Variants in CPLX2 observed in about 807,000 individuals in gnomAD.
CPLX2 encodes complexin 2.
Under a neutral mutation model 16.3 loss-of-function variants are expected in CPLX2, and 5 were observed. The ratio of observed to expected loss-of-function variants is 0.31; its 90% CI spans 0.16 to 0.64. CPLX2 has a LOEUF of 0.64. Ranked by LOEUF, CPLX2 falls within the 30% of genes least tolerant of loss-of-function variation. The pLI is 0.79. For synonymous variants in CPLX2, 89 were observed against 73.2 expected, an observed-to-expected ratio of 1.22 and a Z score of -1.10; for missense variants, 144 against 181.4, an observed-to-expected ratio of 0.79 and a Z score of 1.18.
chr5:175,818,953 G>A (rs1423475965), intron 2 of CPLX2, among the ~76,000 whole-genome samples: 3 of 152,030 alleles, frequency 2.0e-5, no homozygotes, highest in South Asian at 2.1e-4. Context: ...GTGAGCCACC[G>A]CGCCCGGCCC....
At chr5:175,827,372 G>A (rs1034123675) in intron 2 of CPLX2, among the ~76,000 whole-genome samples, 25 of 152,184 alleles carry the variant, frequency 1.6e-4, no homozygotes, top group African/African-American at 5.8e-4. Flanking sequence ...CAGCAGCTGA[G>A]GGCAATGCAG....
intron 2 of CPLX2, among the ~76,000 whole-genome samples, chr5:175,842,471 C>T (rs544566685): frequency 6.9e-4 from 105 of 152,354 alleles, no homozygotes; most frequent in Admixed American, 1.3e-3. Flanking sequence ...CCCTGATGAT[C>T]CCAGCTCTCA....
intron 1 of CPLX2, 119 bp from the exon 2 acceptor site, chr5:175,878,533 T>G (rs1207646713): frequency 1.6e-6 from 1 of 617,576 alleles, no homozygotes; most frequent in African/African-American, 1.8e-5. Context: ...GCATTGGGTC[T>G]TGACCTCAGA....
intron 1 of CPLX2, among the ~76,000 whole-genome samples, chr5:175,803,334 T>A (rs760522618): frequency 3.9e-5 from 6 of 152,160 alleles, no homozygotes; most frequent in Non-Finnish European, 8.8e-5. Context: ...GCTCACTTTC[T>A]ACTGGGAGAC....
At chr5:175,855,079 G>A (rs1386660939) in intron 2 of CPLX2, among the ~76,000 whole-genome samples, 1 of 152,242 alleles carries the variant, frequency 6.6e-6, no homozygotes, top group South Asian at 2.1e-4. Context: ...GTCTGAGGGT[G>A]TAGCCAGCAA....
intron 2 of CPLX2, among the ~76,000 whole-genome samples, chr5:175,835,557 A>T (rs1203442243): frequency 2.0e-5 from 3 of 152,100 alleles, no homozygotes; most frequent in Non-Finnish European, 4.4e-5. Context: ...ATCCTCACAA[A>T]ATATTAGCAA....
At chr5:175,862,711 A>G (rs1759395439) in intron 2 of CPLX2, among the ~76,000 whole-genome samples, 1 of 152,232 alleles carries the variant, frequency 6.6e-6, no homozygotes, top group Non-Finnish European at 1.5e-5. Context: ...GTGTCTTTAA[A>G]CAAGAAACAA....
In CPLX2 at chr5:175,880,347, T is replaced by G; in HGVS notation, c.*302T>G. ...TAGTGTGGTGACCCCCATACATTCC[T>G]CCCTGCTCCCCACTGCCAGGAGGAC... On this transcript the variant is annotated 3_prime_UTR_variant, in exon 4 of 4. Coordinates refer to ENST00000393745, the MANE Select transcript of CPLX2 (RefSeq NM_001008220.2). The G allele has an allele frequency of 2.3e-6, 1 of 438,036 alleles. No individual in the cohort carries two copies. The highest frequency in any genetic ancestry group is 4.3e-6 in the Non-Finnish European group (1 of 233,416). 27.1% of individuals were successfully genotyped at this position (438,036 alleles called of 1,614,324 possible). A position where few individuals can be genotyped will look rare whatever the true frequency, so the allele number is the denominator to read the frequency against.
intron 2 of CPLX2, among the ~76,000 whole-genome samples, chr5:175,817,532 G>A (rs1758430628): frequency 6.6e-6 from 1 of 152,180 alleles, no homozygotes; most frequent in South Asian, 2.1e-4. Flanking sequence ...GCACACCTCT[G>A]ATGACAAGAA....
chr5:175,877,820 C>A (rs748155881), intron 1 of CPLX2, among the ~76,000 whole-genome samples: 25 of 152,100 alleles, frequency 1.6e-4, no homozygotes, highest in African/African-American at 5.5e-4. Context: ...TTTGGAGAAC[C>A]CTTCTGAGGC....
rs917303767 is a variant in CPLX2, at chr5:175,796,711, G to A, written c.-242G>A. On this transcript the variant is annotated 5_prime_UTR_variant, in exon 1 of 5. Coordinates refer to the CPLX2 transcript ENST00000359546. ...CCTCGGCGGAGGAGTCAAGGAAGAG[G>A]GGGAGGGAGAAACGCGCCAGAACCT... The A allele has an allele frequency of 5.3e-5, 8 of 152,304 alleles. No individual in the cohort carries two copies. In the East Asian group the frequency reaches 1.5e-3, roughly 29 times the overall value. The allele number at this position is 152,304 out of a possible 1,614,324, so 9.4% of individuals were successfully genotyped here. A position where few individuals can be genotyped will look rare whatever the true frequency, so the allele number is the denominator to read the frequency against.
At chr5:175,814,095 A>C (rs565288463) in intron 2 of CPLX2, among the ~76,000 whole-genome samples, 3 of 152,340 alleles carry the variant, frequency 2.0e-5, no homozygotes, top group Non-Finnish European at 4.4e-5. Context: ...CATGAGGAAA[A>C]CAGAGAGAAG....
intron 2 of CPLX2, among the ~76,000 whole-genome samples, chr5:175,837,034 C>T (rs1194782212): frequency 6.6e-6 from 1 of 152,180 alleles, no homozygotes; most frequent in Non-Finnish European, 1.5e-5. Flanking sequence ...CTTGGGTATC[C>T]CAAAGGAGTC....
At chr5:175,802,521 G>A (rs948182876) in intron 1 of CPLX2, among the ~76,000 whole-genome samples, 2 of 152,128 alleles carry the variant, frequency 1.3e-5, no homozygotes, top group East Asian at 1.9e-4. Flanking sequence ...TCTCTGACTC[G>A]TCGGAAGCTG....
intron 2 of CPLX2, among the ~76,000 whole-genome samples, chr5:175,853,295 G>A (rs1231002839): frequency 1.3e-5 from 2 of 152,208 alleles, no homozygotes; most frequent in East Asian, 1.9e-4. Context: ...GGGACACACT[G>A]GCTCCTCAAT....
In CPLX2 at chr5:175,822,337, G is replaced by A. The variant is rs147579801; in HGVS notation, c.-89+13269G>A. 6.6e-5 allele frequency among the ~76,000 whole-genome samples: 10 copies of A among 152,224 alleles called. No individual in the cohort carries two copies. The East Asian group carries it at 7.7e-4, about 12-fold the overall frequency. ...CCTCCAAGGTGCCCTGGTAGACCAC[G>A]TGGACTTTGATGTCTAACAGACCAG... On this transcript the variant is annotated intron_variant, in intron 2 of 4. Transcript: ENST00000359546.
upstream of CPLX2, chr5:175,871,443 G>GAGAGAA (rs1561790386): frequency 1.6e-4 from 15 of 93,016 alleles, no homozygotes; most frequent in African/African-American, 5.2e-4. Flanking sequence ...CAGAGAGAGA[G>GAGAGAA]AGAGAGAGAG....
intron 1 of CPLX2, among the ~76,000 whole-genome samples, chr5:175,801,290 T>G (rs1293944174): frequency 6.7e-6 from 1 of 149,412 alleles, no homozygotes; most frequent in Non-Finnish European, 1.5e-5. Flanking sequence ...CTGGAGGAGG[T>G]CAGCATTCAG....
At chr5:175,839,283 T>C (rs1028821588) in intron 2 of CPLX2, among the ~76,000 whole-genome samples, 4 of 151,288 alleles carry the variant, frequency 2.6e-5, no homozygotes, top group South Asian at 4.2e-4. Context: ...TTGTTTTGTT[T>C]GTTTGTTTGT....
Sources: gnomAD v4.1 joint callset for allele counts (sites outside exome capture counted in the v4.1 genomes callset) on GRCh38, gnomAD v4.1.1 for gene constraint, MANE v1.5 for transcripts, NCBI Gene and HGNC (gene_info 2026-07-23, HGNC 2026-07-21) for gene names.